The following CD59 variants were observed in gnomAD, a reference collection of about 807,000 sequenced individuals.
CD59 encodes the protein CD59 glycoprotein.
CD59 carries 3 observed loss-of-function variants against 7.0 expected under a neutral mutation model. The ratio of observed to expected loss-of-function variants is 0.43; its 90% CI spans 0.19 to 1.10. CD59 has a LOEUF of 1.10. CD59 is among the 50% of genes least tolerant of loss of function. The pLI, the probability that CD59 is intolerant of heterozygous loss-of-function variation, is 0.29. For missense variants in CD59, 143 were observed against 151.0 expected (o/e 0.95, Z 0.28); for synonymous variants, 60 against 62.0 (o/e 0.97, Z 0.15).
rs563566464 is a variant in CD59 at position 33,711,535 on chromosome 11, C to T, written c.170-1192G>A. ...AAAAATAAAAAATAAAAAAATTAGC[C>T]AGGCAGGGTGTTGCGCCTTTAGTCT... is the stretch of plus-strand genomic sequence containing the variant. On this transcript the variant is annotated intron_variant, in intron 3 of 3. Coordinates refer to ENST00000642928, the MANE Select transcript of CD59 (RefSeq NM_000611.6). 2.3e-4 allele frequency: 146 copies of T among 629,272 alleles called. 2 individuals carry two copies. Among genetic ancestry groups the T allele is most frequent in the Middle Eastern group, 2.1e-3 (5 of 2,398 alleles). 39.0% of individuals were successfully genotyped at this position (629,272 alleles called of 1,614,324 possible).
At chr11:33,729,317 T>C (rs1426063960) in intron 1 of CD59, among the ~76,000 whole-genome samples, 1 of 152,202 alleles carries the variant, frequency 6.6e-6, no homozygotes, top group East Asian at 1.9e-4. Context: ...CATGGAATAC[T>C]ATGAGTTATA....
chr11:33,710,438 A>T (rs554707277), intron 3 of CD59, 95 bp from the exon 4 acceptor site: 26 of 992,140 alleles, frequency 2.6e-5, no homozygotes, highest in Non-Finnish European at 4.0e-5. Context: ...TATCCTGTGC[A>T]AGTAGAGACT....
chr11:33,729,524 G>C (rs898595328), intron 1 of CD59, among the ~76,000 whole-genome samples: 4 of 152,050 alleles, frequency 2.6e-5, no homozygotes, highest in African/African-American at 9.7e-5. Flanking sequence ...TCGGGAGTTG[G>C]GGGGTGGGGG....
At chr11:33,727,708 A>G (rs143754617) in intron 1 of CD59, among the ~76,000 whole-genome samples, 2 of 152,368 alleles carry the variant, frequency 1.3e-5, no homozygotes, top group Non-Finnish European at 2.9e-5. Context: ...AAGGGTATTC[A>G]ATTGGAAAAA....
chr11:33,709,743 C>T lies in CD59; in HGVS notation c.*383G>A, dbSNP rs1853457113. ...AGAGAGGATGCTCATATACTCCTGCCCCACCCTCCAAAGATGTACTAATGA... is the reference window on the plus strand; with the variant it reads ...AGAGAGGATGCTCATATACTCCTGCTCCACCCTCCAAAGATGTACTAATGA... On this transcript the variant is annotated 3_prime_UTR_variant, in exon 4 of 4. Transcript: ENST00000642928. 1 of 351,114 alleles carries T rather than the reference C, an allele frequency of 2.8e-6. No individual in the cohort carries two copies. The highest frequency in any genetic ancestry group is 2.1e-5 in the African/African-American group (1 of 47,624). 21.7% of individuals were successfully genotyped at this position (351,114 alleles called of 1,614,324 possible). A position where few individuals can be genotyped will look rare whatever the true frequency, so the allele number is the denominator to read the frequency against.
intron 1 of CD59, among the ~76,000 whole-genome samples, chr11:33,731,952 A>G (rs529119807): frequency 1.8e-4 from 28 of 152,270 alleles, no homozygotes; most frequent in African/African-American, 6.5e-4. Flanking sequence ...TAATTGAATC[A>G]CTGGGGACGG....
intron 3 of CD59, among the ~76,000 whole-genome samples, chr11:33,711,839 A>T (rs1464461700): frequency 6.6e-6 from 1 of 152,256 alleles, no homozygotes; most frequent in African/African-American, 2.4e-5. Flanking sequence ...GATGGCTAAG[A>T]TCAAGAAAAT....
rs547170909 is a variant in CD59, at chr11:33,729,630, C to T, written c.-19+6752G>A. Among the ~76,000 whole-genome samples the T allele has an allele frequency of 1.2e-4, 18 of 151,760 alleles. 1 individual carries two copies. The South Asian group carries it at 3.8e-3, about 32-fold the overall frequency. Reference sequence around the variant, plus strand: ...TGTATACCTATGTAACAAACCTGCACATTGTGCACATGTACCCCAGAACGT... The same window carrying T: ...TGTATACCTATGTAACAAACCTGCATATTGTGCACATGTACCCCAGAACGT... On this transcript the variant is annotated intron_variant, in intron 1 of 3. Transcript: ENST00000642928.
At chr11:33,724,694 G>A (rs1854201471) in intron 1 of CD59, among the ~76,000 whole-genome samples, 2 of 152,168 alleles carry the variant, frequency 1.3e-5, no homozygotes, top group African/African-American at 2.4e-5. Context: ...TGGGTTGAAT[G>A]AGCAGGGGAG....
Position 33,705,179 on chromosome 11 carries a change from C to T in CD59, c.*4947G>A, listed in dbSNP as rs972779096. The T allele has an allele frequency of 5.3e-5, 8 of 152,184 alleles. No individual in the cohort carries two copies. Among genetic ancestry groups the T allele is most frequent in the African/African-American group, 1.7e-4 (7 of 41,434 alleles). The allele number at this position is 152,184 out of a possible 1,614,324, so 9.4% of individuals were successfully genotyped here. Reference sequence around the variant, plus strand: ...GCCATGCTACCTTGGGCAAAATAACCGTAGCTAACACTTAGTGACCACTTA... The same window carrying T: ...GCCATGCTACCTTGGGCAAAATAACTGTAGCTAACACTTAGTGACCACTTA... On this transcript the variant is annotated 3_prime_UTR_variant, in exon 4 of 4. Coordinates refer to ENST00000642928, the MANE Select transcript of CD59 (RefSeq NM_000611.6).
intron 1 of CD59, among the ~76,000 whole-genome samples, chr11:33,732,931 T>C (rs10768024): frequency 0.14 from 20,708 of 152,064 alleles, 1,726 homozygotes; most frequent in African/African-American, 0.23. Flanking sequence ...CCAGGGGTCA[T>C]TGAAAGAGGA....
intron 2 of CD59, chr11:33,718,460 G>A (rs1233645571): frequency 6.6e-6 from 1 of 150,688 alleles, no homozygotes; most frequent in African/African-American, 2.5e-5. Flanking sequence ...TCCAGCTTGG[G>A]TGACAGAGCA....
At chr11:33,732,748 A>T (rs996742720) in intron 1 of CD59, among the ~76,000 whole-genome samples, 7 of 152,214 alleles carry the variant, frequency 4.6e-5, no homozygotes. Context: ...TGAGGAAGAG[A>T]ACTAATTTAT....
intron 1 of CD59, among the ~76,000 whole-genome samples, chr11:33,730,849 G>T (rs1359015687): frequency 1.3e-5 from 2 of 152,214 alleles, no homozygotes; most frequent in African/African-American, 4.8e-5. Context: ...CCAAAAAACA[G>T]TTGAACTACT....
At chr11:33,727,587 G>A (rs1294489615) in intron 1 of CD59, among the ~76,000 whole-genome samples, 1 of 152,186 alleles carries the variant, frequency 6.6e-6, no homozygotes, top group East Asian at 1.9e-4. Flanking sequence ...GCAAAAACTG[G>A]AAGCATTCCC....
rs1372338289 is a variant in CD59, at chr11:33,707,439, T to G, written c.*2687A>C. On this transcript the variant is annotated 3_prime_UTR_variant, in exon 4 of 4. Coordinates refer to ENST00000642928, the MANE Select transcript of CD59 (RefSeq NM_000611.6). ...TCAAGACCAAGTTTGGCAAATAGAT[T>G]AGCATCTTTCAGGAAATACCATGAG... 1 of 152,344 alleles carries G rather than the reference T, an allele frequency of 6.6e-6. No individual in the cohort carries two copies. The highest frequency in any genetic ancestry group is 2.4e-5 in the African/African-American group (1 of 41,568). 9.4% of individuals were successfully genotyped at this position (152,344 alleles called of 1,614,324 possible).
At chr11:33,734,939 G>A (rs1854522062) in intron 1 of CD59, among the ~76,000 whole-genome samples, 1 of 152,124 alleles carries the variant, frequency 6.6e-6, no homozygotes, top group Non-Finnish European at 1.5e-5. Flanking sequence ...TTTTATTTAG[G>A]CTTTTATCTC....
chr11:33,734,668 A>ACGGC (rs2133579198), intron 1 of CD59, among the ~76,000 whole-genome samples: 1 of 152,318 alleles, frequency 6.6e-6, no homozygotes, highest in South Asian at 2.1e-4. Flanking sequence ...CTCCGCACTC[A>ACGGC]CGGCCCCTCC....
At chr11:33,711,124 A>G (rs951288577) in intron 3 of CD59, among the ~76,000 whole-genome samples, 7 of 152,030 alleles carry the variant, frequency 4.6e-5, no homozygotes, top group Admixed American at 1.3e-4. Flanking sequence ...AAAGGACATT[A>G]TCAAAAAATA....
Sources: gnomAD v4.1 joint callset for allele counts (sites outside exome capture counted in the v4.1 genomes callset) on GRCh38, gnomAD v4.1.1 for gene constraint, MANE v1.5 for transcripts, NCBI Gene and HGNC (gene_info 2026-07-23, HGNC 2026-07-21) for gene names.